PAG1: variants seen among roughly 807,000 people sequenced by gnomAD.
PAG1 encodes the protein phosphoprotein membrane anchor with glycosphingolipid microdomains 1.
Under a neutral mutation model 31.7 loss-of-function variants are expected in PAG1, and 23 were observed. The ratio of observed to expected loss-of-function variants is 0.73; its 90% confidence interval spans 0.52 to 1.03. The LOEUF is 1.03. Ranked by LOEUF, PAG1 falls within the 50% of genes least tolerant of loss-of-function variation. The pLI, the probability that PAG1 is intolerant of heterozygous loss-of-function variation, is 0.00. For synonymous variants in PAG1, 214 were observed against 210.3 expected (o/e 1.02, Z -0.15); for missense variants, 473 against 540.7 (o/e 0.87, Z 1.24).
At chr8:81,105,446 C>G (rs1451257700) in intron 1 of PAG1, among the ~76,000 whole-genome samples, 1 of 152,110 alleles carries the variant, frequency 6.6e-6, no homozygotes, top group East Asian at 1.9e-4. Context: ...GAATTAGAGG[C>G]TCACAGCCCT....
intron 3 of PAG1, among the ~76,000 whole-genome samples, chr8:81,025,651 C>T (rs1466608038): frequency 6.6e-6 from 1 of 152,202 alleles, no homozygotes; most frequent in Non-Finnish European, 1.5e-5. Context: ...AGGGCAGTAC[C>T]CTGGTCCTTT....
At position 80,969,826 on chromosome 8, in the gene PAG1, G is replaced by A. The variant is rs1351868434; in HGVS notation, c.*6718C>T. The A allele has an allele frequency of 1.3e-5, 2 of 152,180 alleles. No individual in the cohort carries two copies. The highest frequency in any genetic ancestry group is 2.9e-5 in the Non-Finnish European group (2 of 68,026). The allele number at this position is 152,180 out of a possible 1,614,324, so 9.4% of individuals were successfully genotyped here. On this transcript the variant is annotated 3_prime_UTR_variant, in exon 9 of 9. Coordinates refer to ENST00000220597, the MANE Select transcript of PAG1 (RefSeq NM_018440.4). ...GGCTCCTGAAGTATGTAGAAAATGGGAACTTCAGCAGCTGCACCTCCAATT... is the reference window on the plus strand; with the variant it reads ...GGCTCCTGAAGTATGTAGAAAATGGAAACTTCAGCAGCTGCACCTCCAATT...
At position 81,103,020 on chromosome 8, in the gene PAG1, T is replaced by A. The variant is rs1205908822; in HGVS notation, c.-234+8571A>T. ...AACAGCCATTGCAATTGCTGAAAAA[T>A]AAATTCCCACTGTATCACAAATAAG... On this transcript the variant is annotated intron_variant, in intron 1 of 8. Transcript: ENST00000220597. 3.9e-5 allele frequency among the ~76,000 whole-genome samples: 6 copies of A among 152,230 alleles called. No homozygotes were observed. The East Asian group carries it at 9.6e-4, about 24-fold the overall frequency.
intron 1 of PAG1, among the ~76,000 whole-genome samples, chr8:81,101,747 C>A (rs1403362092): frequency 2.6e-5 from 4 of 152,228 alleles, no homozygotes; most frequent in Non-Finnish European, 4.4e-5. Flanking sequence ...TCCATTCAAT[C>A]AAGCTCTAAC....
rs1226764713 is a variant in PAG1, at chr8:80,967,958, T to C, written c.*8586A>G. On this transcript the variant is annotated 3_prime_UTR_variant, in exon 9 of 9. Coordinates refer to ENST00000220597, the MANE Select transcript of PAG1 (RefSeq NM_018440.4). ...TTATTACATGTAAACTATAAGATATTACAAGTTAAACTCCAGTCTTTTCTG... is the reference window on the plus strand; with the variant it reads ...TTATTACATGTAAACTATAAGATATCACAAGTTAAACTCCAGTCTTTTCTG... 6.6e-6 allele frequency: 1 copy of C among 152,226 alleles called. No homozygotes were observed. Among genetic ancestry groups the C allele is most frequent in the Non-Finnish European group, 1.5e-5 (1 of 68,044 alleles). The allele number at this position is 152,226 out of a possible 1,614,324, so 9.4% of individuals were successfully genotyped here.
chr8:80,996,373 C>T (rs187851460), intron 3 of PAG1, among the ~76,000 whole-genome samples: 16 of 152,330 alleles, frequency 1.1e-4, no homozygotes, highest in East Asian at 3.9e-4. Flanking sequence ...CCTTGGTGGA[C>T]GGTTCCCATT....
At chr8:81,069,474 T>C (rs768142671) in intron 2 of PAG1, among the ~76,000 whole-genome samples, 1 of 152,208 alleles carries the variant, frequency 6.6e-6, no homozygotes, top group Admixed American at 6.5e-5. Flanking sequence ...CTGATAACCA[T>C]TGTAGTAAAT....
intron 7 of PAG1, 39 bp from the exon 8 acceptor site, chr8:80,980,533 G>A (rs200899082): frequency 9.5e-5 from 121 of 1,268,186 alleles, no homozygotes; most frequent in Non-Finnish European, 1.3e-4. Context: ...GTAATTCAGC[G>A]TTAACAATCT....
chr8:81,051,088 G>C (rs1808720345), intron 2 of PAG1, among the ~76,000 whole-genome samples: 1 of 152,144 alleles, frequency 6.6e-6, no homozygotes, highest in South Asian at 2.1e-4. Context: ...TTATGCAGTG[G>C]GTTTTTCTCC....
At chr8:81,058,967 C>T (rs1410157074) in intron 2 of PAG1, among the ~76,000 whole-genome samples, 1 of 152,124 alleles carries the variant, frequency 6.6e-6, no homozygotes, top group Non-Finnish European at 1.5e-5. Flanking sequence ...TAATTGTCAG[C>T]ATCTTAAATA....
At position 80,969,675 on chromosome 8, in the gene PAG1, T is replaced by C. The variant is rs747981231; in HGVS notation, c.*6869A>G. Reference sequence around the variant, plus strand: ...GGGGAACTTTAAAAAACTAAATGTATAAAGAGAATGAGCAGAGATATCTGT... The same window carrying C: ...GGGGAACTTTAAAAAACTAAATGTACAAAGAGAATGAGCAGAGATATCTGT... On this transcript the variant is annotated 3_prime_UTR_variant, in exon 9 of 9. Coordinates refer to ENST00000220597, the MANE Select transcript of PAG1 (RefSeq NM_018440.4). The C allele has an allele frequency of 1.8e-4, 27 of 152,204 alleles. No homozygotes were observed. The highest frequency in any genetic ancestry group is 2.9e-4 in the Non-Finnish European group (20 of 68,032). The allele number at this position is 152,204 out of a possible 1,614,324, so 9.4% of individuals were successfully genotyped here.
At chr8:81,068,986 C>T (rs907727402) in intron 2 of PAG1, among the ~76,000 whole-genome samples, 4 of 152,272 alleles carry the variant, frequency 2.6e-5, no homozygotes, top group Admixed American at 2.0e-4. Context: ...AATGTCTAAT[C>T]CCTGAATCGA....
At chr8:81,100,735 C>G (rs570863173) in intron 1 of PAG1, among the ~76,000 whole-genome samples, 1 of 152,354 alleles carries the variant, frequency 6.6e-6, no homozygotes, top group East Asian at 1.9e-4. Flanking sequence ...TGATGATTCT[C>G]TGACCACAGT....
chr8:80,968,254 T>C lies in PAG1; in HGVS notation c.*8290A>G, dbSNP rs1320655013. The C allele has an allele frequency of 1.3e-5, 2 of 152,266 alleles. No individual in the cohort carries two copies. Among genetic ancestry groups the C allele is most frequent in the Non-Finnish European group, 2.9e-5 (2 of 68,046 alleles). The allele number at this position is 152,266 out of a possible 1,614,324, so 9.4% of individuals were successfully genotyped here. Reference sequence around the variant, plus strand: ...AAAGCATTCGTGCTTATCTCTATTATTTCGTTTGTCCCCATAACATCTCTA... The same window carrying C: ...AAAGCATTCGTGCTTATCTCTATTACTTCGTTTGTCCCCATAACATCTCTA... On this transcript the variant is annotated 3_prime_UTR_variant, in exon 9 of 9. Transcript: ENST00000220597.
intron 2 of PAG1, among the ~76,000 whole-genome samples, chr8:81,045,452 A>T (rs975907694): frequency 2.0e-5 from 3 of 152,194 alleles, no homozygotes; most frequent in African/African-American, 7.2e-5. Flanking sequence ...ATGTCCACTG[A>T]CTGTCTCCTT....
chr8:81,079,392 A>C (rs1809229724), intron 1 of PAG1, among the ~76,000 whole-genome samples: 2 of 152,178 alleles, frequency 1.3e-5, no homozygotes, highest in Non-Finnish European at 2.9e-5. Context: ...ATCCTCAGAC[A>C]ATATTGAATT....
intron 1 of PAG1, among the ~76,000 whole-genome samples, chr8:81,086,170 A>G (rs1193501423): frequency 6.6e-6 from 1 of 150,436 alleles, no homozygotes; most frequent in Non-Finnish European, 1.5e-5. Flanking sequence ...TTTAGTAGAG[A>G]CGGGGTTTCA....
chr8:81,032,483 T>C (rs1043978266), intron 2 of PAG1, among the ~76,000 whole-genome samples: 1 of 152,120 alleles, frequency 6.6e-6, no homozygotes, highest in African/African-American at 2.4e-5. Flanking sequence ...TAAGTAGCCA[T>C]CAACAAAGTG....
chr8:81,085,465 A>G (rs1281107375), intron 1 of PAG1, among the ~76,000 whole-genome samples: 1 of 152,228 alleles, frequency 6.6e-6, no homozygotes, highest in Non-Finnish European at 1.5e-5. Flanking sequence ...GTGTTCTGTG[A>G]TCAACCAAGC....
Sources: gnomAD v4.1 joint callset for allele counts (sites outside exome capture counted in the v4.1 genomes callset) on GRCh38, gnomAD v4.1.1 for gene constraint, MANE v1.5 for transcripts, NCBI Gene and HGNC (gene_info 2026-07-23, HGNC 2026-07-21) for gene names.